TEX36: variants seen among roughly 807,000 people sequenced by gnomAD.
The protein encoded by TEX36 is testis-expressed protein 36.
Under a neutral mutation model 13.6 loss-of-function variants are expected in TEX36, and 12 were observed. The observed-to-expected ratio is 0.88, with a 90% CI of 0.56 to 1.43. The LOEUF (loss-of-function observed/expected upper bound fraction) is 1.43. Ranked by LOEUF, TEX36 falls within the 40% of genes most tolerant of loss-of-function variation. The probability of loss-of-function intolerance (pLI) is 0.00; values close to 1 mark genes in which losing one functional copy is unlikely to be tolerated. For synonymous variants in TEX36, 93 were observed against 83.0 expected (o/e 1.12, Z -0.65); for missense variants, 224 against 228.3 (o/e 0.98, Z 0.12).
At chr10:125,584,762 A>T in intron 3 of TEX36, among the ~76,000 whole-genome samples, 1 of 152,222 alleles carries the variant, frequency 6.6e-6, no homozygotes, top group South Asian at 2.1e-4. Context: ...AGCCAAGGGG[A>T]GAGACCTCAC....
intron 3 of TEX36, among the ~76,000 whole-genome samples, chr10:125,660,363 G>A (rs1847015034): frequency 1.3e-5 from 2 of 152,246 alleles, no homozygotes; most frequent in South Asian, 2.1e-4. Context: ...GACCTCAAGT[G>A]ATCCTCCCAC....
At chr10:125,659,372 G>T (rs1166041831) in intron 3 of TEX36, among the ~76,000 whole-genome samples, 3 of 152,156 alleles carry the variant, frequency 2.0e-5, no homozygotes, top group African/African-American at 7.2e-5. Flanking sequence ...ATGTGAATTG[G>T]AAAAACTCTC....
chr10:125,636,892 A>G (rs758625433), intron 3 of TEX36, among the ~76,000 whole-genome samples: 17 of 152,134 alleles, frequency 1.1e-4, no homozygotes, highest in Non-Finnish European at 2.5e-4. Context: ...TTATACTTAA[A>G]TGAACCCTTA....
chr10:125,631,062 G>A (rs1410222933), intron 3 of TEX36, among the ~76,000 whole-genome samples: 1 of 152,118 alleles, frequency 6.6e-6, no homozygotes, highest in African/African-American at 2.4e-5. Flanking sequence ...AAATACGAAT[G>A]ACTAATAAAC....
intron 3 of TEX36, among the ~76,000 whole-genome samples, chr10:125,579,585 T>C (rs1461148131): frequency 2.0e-5 from 3 of 152,236 alleles, no homozygotes; most frequent in Non-Finnish European, 4.4e-5. Flanking sequence ...TTTGGATTTG[T>C]GTCCCTGCCC....
intron 3 of TEX36, among the ~76,000 whole-genome samples, chr10:125,608,992 GAAAGA>G (rs753631835): frequency 1.7e-5 from 2 of 115,784 alleles, no homozygotes; most frequent in Non-Finnish European, 3.4e-5. Context: ...AAAAAAAAAA[GAAAGA>G]AAAGAAAAGA....
chr10:125,636,494 G>A lies in TEX36; in HGVS notation c.265-14849C>T, dbSNP rs112438279. Among the ~76,000 whole-genome samples, 422 of 152,184 alleles carry A rather than the reference G, an allele frequency of 2.8e-3. 3 individuals are homozygous for A. The highest frequency in any genetic ancestry group is 9.5e-3 in the African/African-American group (393 of 41,510). ...CTCCCAAAGTGCTAGGATTACGGGC[G>A]TGAGCCACCACGCCCAGCCTTGCTG... On this transcript the variant is annotated intron_variant, in intron 3 of 3. Transcript: ENST00000526819.
At chr10:125,587,949 C>T (rs1385897560) in intron 3 of TEX36, among the ~76,000 whole-genome samples, 3 of 152,074 alleles carry the variant, frequency 2.0e-5, no homozygotes, top group South Asian at 2.1e-4. Context: ...CCATATTAGC[C>T]GCTAAGGATT....
At chr10:125,581,285 G>A (rs185804624) in intron 3 of TEX36, among the ~76,000 whole-genome samples, 1 of 152,256 alleles carries the variant, frequency 6.6e-6, no homozygotes, top group Admixed American at 6.5e-5. Context: ...TTCTAGTACC[G>A]AGAAGATGCT....
chr10:125,632,839 T>G (rs1197465281), intron 3 of TEX36, among the ~76,000 whole-genome samples: 2 of 152,122 alleles, frequency 1.3e-5, no homozygotes, highest in African/African-American at 4.8e-5. Flanking sequence ...CAGAATTACA[T>G]GCACACTGGC....
intron 3 of TEX36, among the ~76,000 whole-genome samples, chr10:125,657,094 A>G (rs1846958701): frequency 6.6e-6 from 1 of 152,226 alleles, no homozygotes; most frequent in Non-Finnish European, 1.5e-5. Flanking sequence ...TCACAACTAG[A>G]TGAAAACTAA....
chr10:125,662,256 C>T (rs1024998024), intron 1 of TEX36, among the ~76,000 whole-genome samples: 5 of 152,118 alleles, frequency 3.3e-5, no homozygotes, highest in Non-Finnish European at 7.3e-5. Flanking sequence ...GGGTGTGGTC[C>T]TCAGTGAGTG....
At chr10:125,587,796 A>G (rs1845975234) in intron 3 of TEX36, among the ~76,000 whole-genome samples, 1 of 145,766 alleles carries the variant, frequency 6.9e-6, no homozygotes, top group Non-Finnish European at 1.5e-5. Context: ...TAAAAAAAAA[A>G]AAAAAAAAAA....
At chr10:125,649,117 G>A (rs1469274281) in intron 3 of TEX36, among the ~76,000 whole-genome samples, 1 of 152,160 alleles carries the variant, frequency 6.6e-6, no homozygotes, top group Non-Finnish European at 1.5e-5. Context: ...CCAACCTAGT[G>A]AGGCAGGCCA....
rs147690484 is a variant in TEX36, at chr10:125,648,611, C to T, written c.264+12410G>A. On this transcript the variant is annotated intron_variant, in intron 3 of 3. Transcript: ENST00000526819. ...TCAGAGTGCCTCTTCTCCAAAGGAA[C>T]GCAGCTCCTCGGCAGCAATGGAACA... 3.4e-3 allele frequency among the ~76,000 whole-genome samples: 523 copies of T among 152,288 alleles called. 6 individuals carry two copies. Among genetic ancestry groups the T allele is most frequent in the African/African-American group, 0.011 (468 of 41,560 alleles).
At chr10:125,670,099 G>C (rs969539628) in intron 1 of TEX36, among the ~76,000 whole-genome samples, 1 of 152,128 alleles carries the variant, frequency 6.6e-6, no homozygotes, top group African/African-American at 2.4e-5. Flanking sequence ...CTATTCCTTT[G>C]GGTATATACC....
intron 3 of TEX36, among the ~76,000 whole-genome samples, chr10:125,626,177 C>A (rs1482827965): frequency 6.6e-6 from 1 of 152,082 alleles, no homozygotes; most frequent in Non-Finnish European, 1.5e-5. Context: ...AGTCCTGCTC[C>A]CTCCTCCTCC....
chr10:125,576,983 A>G lies in TEX36; in HGVS notation c.265-109T>C, dbSNP rs1565164632. 4 of 1,391,488 alleles carry G rather than the reference A, an allele frequency of 2.9e-6. No individual in the cohort carries two copies. In the East Asian group the frequency reaches 1.0e-4, roughly 35 times the overall value. The allele number at this position is 1,391,488 out of a possible 1,614,324, so 86.2% of individuals were successfully genotyped here. A position where few individuals can be genotyped will look rare whatever the true frequency, so the allele number is the denominator to read the frequency against. On this transcript the variant is annotated intron_variant, in intron 3 of 3. Coordinates refer to the TEX36 transcript ENST00000532135. Reference sequence around the variant, plus strand: ...CCTTATTCTCCCTGCCCAAGCTTTAAAAACACCCCAGAGAAGGATTTAGTG... The same window carrying G: ...CCTTATTCTCCCTGCCCAAGCTTTAGAAACACCCCAGAGAAGGATTTAGTG...
At chr10:125,579,857 G>A (rs1845864351) in intron 3 of TEX36, among the ~76,000 whole-genome samples, 1 of 152,084 alleles carries the variant, frequency 6.6e-6, no homozygotes. Flanking sequence ...TTCCTGTACA[G>A]CCTGTGGAAC....
Sources: gnomAD v4.1 joint callset for allele counts (sites outside exome capture counted in the v4.1 genomes callset) on GRCh38, gnomAD v4.1.1 for gene constraint, MANE v1.5 for transcripts, NCBI Gene and HGNC (gene_info 2026-07-23, HGNC 2026-07-21) for gene names.